Variants in SH2D4B observed in about 807,000 individuals in gnomAD.
SH2D4B encodes the protein SH2 domain containing 4B.
SH2D4B carries 45 observed loss-of-function variants against 61.5 expected under a neutral mutation model. The observed-to-expected ratio is 0.73, with a 90% confidence interval of 0.58 to 0.94. The LOEUF is 0.94. SH2D4B is among the 40% of genes least tolerant of loss of function. The pLI is 0.00. For synonymous variants in SH2D4B, 224 were observed against 220.4 expected (o/e 1.02, Z -0.14); for missense variants, 572 against 574.2 (o/e 1.00, Z 0.04).
At chr10:80,555,971 TAAGACGA>T (rs1841829038) in intron 1 of SH2D4B, among the ~76,000 whole-genome samples, 1 of 152,188 alleles carries the variant, frequency 6.6e-6, no homozygotes, top group African/African-American at 2.4e-5. Context: ...GAAACCCAGG[TAAGACGA>T]TGTGATGAAC....
intron 6 of SH2D4B, among the ~76,000 whole-genome samples, chr10:80,631,169 G>A (rs1842828709): frequency 4.6e-5 from 7 of 152,142 alleles, no homozygotes; most frequent in African/African-American, 9.7e-5. Context: ...TCAGTATGTC[G>A]AAGAGATATC....
chr10:80,644,191 C>A lies in SH2D4B; in HGVS notation c.*106C>A. ...GCCTTCTGGAAGATCCACCACTATC[C>A]AAAGGAAAAAGTAGATTAATATGCC... On this transcript the variant is annotated 3_prime_UTR_variant, in exon 8 of 8. Transcript: ENST00000646907. 1 of 876,704 alleles carries A rather than the reference C, an allele frequency of 1.1e-6. No individual in the cohort carries two copies. Among genetic ancestry groups the A allele is most frequent in the Non-Finnish European group, 1.8e-6 (1 of 550,486 alleles). The allele number at this position is 876,704 out of a possible 1,614,324, so 54.3% of individuals were successfully genotyped here. A position where few individuals can be genotyped will look rare whatever the true frequency, so the allele number is the denominator to read the frequency against.
At position 80,588,743 on chromosome 10, in the gene SH2D4B, C is replaced by T. The variant is rs777051092; in HGVS notation, c.609C>T (p.Ala203=). Residue 203 remains alanine, a synonymous_variant, in exon 4 of 8, where the codon GCC becomes GCT. Coordinates refer to ENST00000646907, the MANE Select transcript of SH2D4B (RefSeq NM_001388272.1). The stretch of plus-strand genomic sequence containing the variant: ...AGCAGGCTCAGCTGCATTGCCAAGC[C>T]AGTGAGAAAGAGGAGCGAGAGTGGG... ...TLKQAQLHCQ[A]SEKEEREWEE... 11 of 1,614,120 alleles carry T rather than the reference C, an allele frequency of 6.8e-6. No homozygotes were observed. The highest frequency in any genetic ancestry group is 8.5e-7 in the Non-Finnish European group (1 of 1,180,032).
intron 1 of SH2D4B, among the ~76,000 whole-genome samples, chr10:80,566,584 C>T (rs112971303): frequency 0.021 from 3,223 of 152,240 alleles, 110 homozygotes; most frequent in African/African-American, 0.074. Flanking sequence ...GCGTGAGCCA[C>T]TGCGCCCTGC....
At chr10:80,592,709 CTG>C (rs1842343887) in intron 4 of SH2D4B, among the ~76,000 whole-genome samples, 4 of 138,636 alleles carry the variant, frequency 2.9e-5, no homozygotes, top group African/African-American at 1.1e-4. Flanking sequence ...CTCTGTCTCT[CTG>C]TCTCTTTTTT....
chr10:80,630,243 C>G (rs901808952), intron 6 of SH2D4B, among the ~76,000 whole-genome samples: 5 of 152,150 alleles, frequency 3.3e-5, no homozygotes, highest in Non-Finnish European at 2.9e-5. Context: ...AATGGTGGCT[C>G]TAGTACCCCT....
chr10:80,560,693 CTTTTTTTTTTT>C (rs58963330), intron 1 of SH2D4B, among the ~76,000 whole-genome samples: 6 of 58,844 alleles, frequency 1.0e-4, no homozygotes, highest in African/African-American at 4.5e-4. Context: ...CCTGGCCAAG[CTTTTTTTTTTT>C]TTTTTTTTTT....
chr10:80,639,304 G>T (rs998626404), intron 7 of SH2D4B, among the ~76,000 whole-genome samples: 3 of 152,320 alleles, frequency 2.0e-5, no homozygotes, highest in African/African-American at 7.2e-5. Context: ...TATTAGGCCT[G>T]CTTGGTGCAG....
At chr10:80,627,487 CT>C (rs922859792) in intron 6 of SH2D4B, among the ~76,000 whole-genome samples, 23 of 152,032 alleles carry the variant, frequency 1.5e-4, no homozygotes, top group African/African-American at 5.6e-4. Flanking sequence ...GCCTTGCCCC[CT>C]CTTGTCCCTT....
chr10:80,607,099 T>C (rs1353538248), intron 5 of SH2D4B, among the ~76,000 whole-genome samples: 1 of 152,230 alleles, frequency 6.6e-6, no homozygotes, highest in Non-Finnish European at 1.5e-5. Flanking sequence ...GCATTTATAT[T>C]CTGGGGGAGT....
chr10:80,586,230 A>G (rs2132128010), intron 3 of SH2D4B, among the ~76,000 whole-genome samples: 1 of 152,198 alleles, frequency 6.6e-6, no homozygotes, highest in East Asian at 1.9e-4. Context: ...GTCCAGTCCC[A>G]TCAACCACCC....
chr10:80,639,066 G>T (rs941635351), intron 7 of SH2D4B, among the ~76,000 whole-genome samples: 1 of 152,208 alleles, frequency 6.6e-6, no homozygotes, highest in Non-Finnish European at 1.5e-5. Flanking sequence ...TCAGGAGCAG[G>T]TTGTTCAGTT....
intron 1 of SH2D4B, among the ~76,000 whole-genome samples, chr10:80,569,220 C>T (rs1842007985): frequency 6.6e-6 from 1 of 152,170 alleles, no homozygotes; most frequent in Non-Finnish European, 1.5e-5. Context: ...CACACCACCA[C>T]CTGATTCCTT....
Position 80,605,812 on chromosome 10 carries a change from C to A in SH2D4B, c.860+2017C>A, listed in dbSNP as rs1842512049. The stretch of plus-strand genomic sequence containing the variant: ...GGGATTACAGGTGTGAGCCACCACA[C>A]CCGACCTCTTTTATATTTTCTAAAT... On this transcript the variant is annotated intron_variant, in intron 5 of 7. Coordinates refer to ENST00000646907, the MANE Select transcript of SH2D4B (RefSeq NM_001388272.1). 3.9e-5 allele frequency among the ~76,000 whole-genome samples: 6 copies of A among 152,240 alleles called. No homozygotes were observed. In the South Asian group the frequency reaches 1.2e-3, roughly 31 times the overall value.
At chr10:80,622,022 A>G (rs1307837883) in intron 6 of SH2D4B, among the ~76,000 whole-genome samples, 1 of 151,990 alleles carries the variant, frequency 6.6e-6, no homozygotes, top group Admixed American at 6.6e-5. Context: ...CGCCCAGCTG[A>G]ATTTTGCCTT....
intron 4 of SH2D4B, among the ~76,000 whole-genome samples, chr10:80,589,560 G>A (rs960709660): frequency 2.0e-5 from 3 of 152,144 alleles, no homozygotes; most frequent in East Asian, 1.9e-4. Flanking sequence ...TTACTAAGTT[G>A]CCAATAATTT....
chr10:80,635,738 T>G (rs1842891301), intron 7 of SH2D4B, among the ~76,000 whole-genome samples: 1 of 152,234 alleles, frequency 6.6e-6, no homozygotes, highest in African/African-American at 2.4e-5. Context: ...TCTACATCCA[T>G]GCTCTTATTT....
chr10:80,601,282 C>T (rs998958765), intron 4 of SH2D4B, among the ~76,000 whole-genome samples: 3 of 152,158 alleles, frequency 2.0e-5, no homozygotes, highest in Non-Finnish European at 4.4e-5. Context: ...GCTGCTGGCT[C>T]CCCAGCAGAA....
chr10:80,572,984 AT>A (rs1842078493), intron 3 of SH2D4B, among the ~76,000 whole-genome samples: 1 of 8,294 alleles, frequency 1.2e-4, no homozygotes, highest in African/African-American at 4.5e-4. Flanking sequence ...ATATATATAT[AT>A]ATTTTTTTTT....
Sources: gnomAD v4.1 joint callset for allele counts (sites outside exome capture counted in the v4.1 genomes callset) on GRCh38, gnomAD v4.1.1 for gene constraint, MANE v1.5 for transcripts, NCBI Gene and HGNC (gene_info 2026-07-23, HGNC 2026-07-21) for gene names.